Variants in CHN2 observed in about 807,000 individuals in gnomAD.
CHN2 encodes the protein beta-chimaerin.
A neutral mutation model predicts 56.3 loss-of-function variants in CHN2; 35 were observed. The ratio of observed to expected loss-of-function variants is 0.62; its 90% CI spans 0.47 to 0.82. The LOEUF is 0.82. Ranked by LOEUF, CHN2 falls within the 40% of genes least tolerant of loss-of-function variation. The pLI is 0.00. For synonymous variants in CHN2, 210 were observed against 212.8 expected (o/e 0.99, Z 0.12); for missense variants, 491 against 580.5 (o/e 0.85, Z 1.58).
intron 1 of CHN2, among the ~76,000 whole-genome samples, chr7:29,258,653 C>A (rs1372071739): frequency 1.3e-5 from 2 of 152,128 alleles, no homozygotes; most frequent in Non-Finnish European, 2.9e-5. Context: ...GTAGTGAGGA[C>A]ACAGCTTCTG....
intron 1 of CHN2, among the ~76,000 whole-genome samples, chr7:29,324,237 A>G (rs951763391): frequency 2.0e-5 from 3 of 152,184 alleles, no homozygotes; most frequent in African/African-American, 4.8e-5. Flanking sequence ...GAAGTTGCGT[A>G]TCTTACAACT....
chr7:29,223,303 A>G (rs1361262974), intron 1 of CHN2, among the ~76,000 whole-genome samples: 1 of 151,974 alleles, frequency 6.6e-6, no homozygotes, highest in Non-Finnish European at 1.5e-5. Context: ...TCTTCTTCCA[A>G]TTTTTGGCAG....
At chr7:29,365,724 CTG>C (rs1799103797) in intron 2 of CHN2, among the ~76,000 whole-genome samples, 1 of 152,162 alleles carries the variant, frequency 6.6e-6, no homozygotes, top group Non-Finnish European at 1.5e-5. Flanking sequence ...CATGGTAACA[CTG>C]TAGAAGGAGA....
chr7:29,316,902 A>T (rs1001004226), intron 1 of CHN2, among the ~76,000 whole-genome samples: 3 of 151,506 alleles, frequency 2.0e-5, no homozygotes, highest in East Asian at 1.9e-4. Flanking sequence ...CTCTGCTGAT[A>T]AAAAAAAATG....
chr7:29,247,377 C>G (rs1055403460), intron 1 of CHN2, among the ~76,000 whole-genome samples: 1 of 152,208 alleles, frequency 6.6e-6, no homozygotes, highest in East Asian at 1.9e-4. Flanking sequence ...CTGGCTGCCT[C>G]CTTTCACCCC....
At chr7:29,244,034 T>A (rs1787885725) in intron 1 of CHN2, among the ~76,000 whole-genome samples, 2 of 152,210 alleles carry the variant, frequency 1.3e-5, no homozygotes, top group South Asian at 4.1e-4. Flanking sequence ...TCATTTTTAG[T>A]TAGTGGTTTC....
At chr7:29,443,760 A>AG (rs1237082602) in intron 6 of CHN2, among the ~76,000 whole-genome samples, 1 of 151,688 alleles carries the variant, frequency 6.6e-6, no homozygotes, top group Non-Finnish European at 1.5e-5. Context: ...GAGAGATGGC[A>AG]GGGGGGTGAG....
chr7:29,263,568 T>C (rs1375391557), intron 1 of CHN2, among the ~76,000 whole-genome samples: 5 of 131,926 alleles, frequency 3.8e-5, no homozygotes, highest in African/African-American at 5.9e-5. Flanking sequence ...GCCGCCACCC[T>C]GTCTAGGAAG....
chr7:29,397,139 A>C (rs1052506070), intron 4 of CHN2: 1 of 152,236 alleles, frequency 6.6e-6, no homozygotes, highest in Admixed American at 6.5e-5. Flanking sequence ...CACCTTTAAG[A>C]AGCGATTTTG....
chr7:29,303,285 C>T (rs1793847731), intron 1 of CHN2, among the ~76,000 whole-genome samples: 2 of 152,220 alleles, frequency 1.3e-5, no homozygotes, highest in Non-Finnish European at 2.9e-5. Context: ...TGGCAGGCTG[C>T]ATAAGCCTTA....
At chr7:29,318,153 G>C (rs1795089145) in intron 1 of CHN2, among the ~76,000 whole-genome samples, 1 of 152,306 alleles carries the variant, frequency 6.6e-6, no homozygotes, top group East Asian at 1.9e-4. Context: ...GTTGGGTTTT[G>C]AGGCAGCTGT....
chr7:29,237,653 G>T (rs1166443911), intron 1 of CHN2, among the ~76,000 whole-genome samples: 1 of 152,182 alleles, frequency 6.6e-6, no homozygotes, highest in East Asian at 1.9e-4. Flanking sequence ...AGGAAAGGAG[G>T]TTGCAGGGTT....
intron 3 of CHN2, among the ~76,000 whole-genome samples, chr7:29,374,792 A>G (rs1005649514): frequency 9.2e-6 from 1 of 109,214 alleles, no homozygotes; most frequent in African/African-American, 3.0e-5. Context: ...GGTGATTTTT[A>G]TTTCTTTATT....
chr7:29,279,444 T>G (rs558055139), intron 1 of CHN2, among the ~76,000 whole-genome samples: 1 of 152,374 alleles, frequency 6.6e-6, no homozygotes, highest in African/African-American at 2.4e-5. Context: ...TGGAATGCAT[T>G]TGTTCAACAA....
intron 7 of CHN2, among the ~76,000 whole-genome samples, chr7:29,494,326 TG>T (rs1789000123): frequency 6.6e-6 from 1 of 152,170 alleles, no homozygotes; most frequent in African/African-American, 2.4e-5. Context: ...TATATTTAAT[TG>T]ATCTTCACAG....
intron 1 of CHN2, among the ~76,000 whole-genome samples, chr7:29,295,870 G>T (rs1584988983): frequency 6.6e-6 from 1 of 152,190 alleles, no homozygotes; most frequent in South Asian, 2.1e-4. Context: ...ATTGGCAAAG[G>T]GTCTTGAGCC....
intron 1 of CHN2, among the ~76,000 whole-genome samples, chr7:29,196,599 A>G (rs573429167): frequency 6.6e-6 from 1 of 152,344 alleles, no homozygotes; most frequent in African/African-American, 2.4e-5. Context: ...GCCCACTAGA[A>G]AATGAACTGG....
intron 1 of CHN2, among the ~76,000 whole-genome samples, chr7:29,231,131 C>T (rs1003862617): frequency 2.0e-5 from 3 of 152,176 alleles, no homozygotes; most frequent in Non-Finnish European, 4.4e-5. Context: ...ATGTGTCTGA[C>T]CCAGTACTGT....
chr7:29,302,653 A>T (rs920279201), intron 1 of CHN2, among the ~76,000 whole-genome samples: 8 of 152,036 alleles, frequency 5.3e-5, no homozygotes, highest in African/African-American at 1.7e-4. Context: ...TTAAGTGTAC[A>T]GTTTGATGTC....
Sources: allele counts gnomAD v4.1 joint callset (sites outside exome capture counted in the v4.1 genomes callset), GRCh38; gene constraint gnomAD v4.1.1; transcripts MANE v1.5; gene names NCBI Gene and HGNC (gene_info 2026-07-23, HGNC 2026-07-21).